CNTN6: variants seen among roughly 807,000 people sequenced by gnomAD.
The protein encoded by CNTN6 is contactin 6.
A neutral mutation model predicts 122.8 loss-of-function variants in CNTN6; 137 were observed. The observed-to-expected ratio is 1.12, with a 90% confidence interval of 0.97 to 1.29. The LOEUF (loss-of-function observed/expected upper bound fraction) is 1.29. CNTN6 is among the 50% of genes most tolerant of loss of function. The pLI, the probability that CNTN6 is intolerant of heterozygous loss-of-function variation, is 0.00. For synonymous variants in CNTN6, 570 were observed against 426.0 expected (o/e 1.34, Z -4.16); for missense variants, 1,634 against 1,223.4 (o/e 1.34, Z -5.01).
chr3:1,217,171 C>T (rs752824185), intron 2 of CNTN6, among the ~76,000 whole-genome samples: 5 of 152,174 alleles, frequency 3.3e-5, no homozygotes, highest in African/African-American at 1.2e-4. Flanking sequence ...CCAGAGCACA[C>T]GTTCTTAACC....
At chr3:1,267,289 C>T (rs76747049) in intron 4 of CNTN6, among the ~76,000 whole-genome samples, 7 of 152,074 alleles carry the variant, frequency 4.6e-5, no homozygotes, top group Admixed American at 3.9e-4. Flanking sequence ...TCCTGAATAG[C>T]TGAAAATGAA....
chr3:1,335,019 A>G (rs1702843787), intron 11 of CNTN6, among the ~76,000 whole-genome samples: 1 of 152,140 alleles, frequency 6.6e-6, no homozygotes, highest in Non-Finnish European at 1.5e-5. Flanking sequence ...CATAACATAT[A>G]ACATTCTTCT....
intron 5 of CNTN6, among the ~76,000 whole-genome samples, chr3:1,283,433 T>C (rs1270106485): frequency 2.6e-5 from 4 of 152,086 alleles, no homozygotes; most frequent in African/African-American, 9.7e-5. Context: ...GCACAAACTA[T>C]CTGCAACAGA....
chr3:1,099,255 T>C (rs946590026), intron 1 of CNTN6, among the ~76,000 whole-genome samples: 18 of 151,988 alleles, frequency 1.2e-4, no homozygotes, highest in South Asian at 2.1e-4. Context: ...ATCGAGACCA[T>C]CCTGGCTAAC....
At chr3:1,122,457 G>GTTTTTATATTTTGATCTTCTACCTACA (rs1553601305) in intron 1 of CNTN6, among the ~76,000 whole-genome samples, 1 of 150,978 alleles carries the variant, frequency 6.6e-6, no homozygotes, top group Non-Finnish European at 1.5e-5. Context: ...TAATTCCCAT[G>GTTTTTATATTTTGATCTTCTACCTACA]ACATAAAAGT....
chr3:1,257,231 C>G lies in CNTN6; in HGVS notation c.359-21182C>G, dbSNP rs183576136. On this transcript the variant is annotated intron_variant, in intron 4 of 22. Transcript: ENST00000446702. ...TCTGTTGAAGGATTCAAATTCATTT[C>G]CAGGAATTATTTTAAATATGTTAAT... Among the ~76,000 whole-genome samples the G allele has an allele frequency of 5.3e-4, 80 of 152,140 alleles. 2 individuals are homozygous for G. The highest frequency in any genetic ancestry group is 2.9e-5 in the Non-Finnish European group (2 of 67,984).
At chr3:1,096,829 G>A (rs1056527322) in intron 1 of CNTN6, among the ~76,000 whole-genome samples, 4 of 152,142 alleles carry the variant, frequency 2.6e-5, no homozygotes, top group African/African-American at 7.2e-5. Flanking sequence ...GCTTCAAGTC[G>A]TGTTTTGGGG....
At chr3:1,278,547 C>A (rs1692827173) in intron 5 of CNTN6, 39 bp downstream of exon 5, 4 of 1,414,910 alleles carry the variant, frequency 2.8e-6, no homozygotes, top group South Asian at 2.4e-5. Context: ...TCAATGCGGT[C>A]ACTTGGAGAG....
intron 20 of CNTN6, among the ~76,000 whole-genome samples, chr3:1,398,097 T>C (rs1483550085): frequency 3.3e-5 from 5 of 151,962 alleles, no homozygotes; most frequent in Non-Finnish European, 5.9e-5. Flanking sequence ...TTTGCTGAGT[T>C]TACCATTGAC....
At position 1,152,873 on chromosome 3, in the gene CNTN6, T is replaced by G. The variant is rs1344767650; in HGVS notation, c.55+4810T>G. ...AGTCCTTAAGAAGAGTGTCAGTGAG[T>G]GTCAATGGCTGCTATTATAACTCAA... On this transcript the variant is annotated intron_variant, in intron 2 of 22. Transcript: ENST00000446702. 3.3e-5 allele frequency among the ~76,000 whole-genome samples: 5 copies of G among 152,230 alleles called. No individual in the cohort carries two copies. The East Asian group carries it at 9.7e-4, about 29-fold the overall frequency.
At chr3:1,128,488 G>C (rs2092240422) in intron 1 of CNTN6, 1 of 151,974 alleles carries the variant, frequency 6.6e-6, no homozygotes, top group Admixed American at 6.6e-5. Flanking sequence ...TTGTCAAAGA[G>C]CTAACACTCA....
intron 20 of CNTN6, chr3:1,401,213 A>G (rs1695659307): frequency 2.2e-6 from 1 of 456,762 alleles, no homozygotes; most frequent in Non-Finnish European, 3.9e-6. Context: ...GCAAGCCATT[A>G]TTAATTCATA....
chr3:1,264,299 T>G (rs1442934510), intron 4 of CNTN6, among the ~76,000 whole-genome samples: 1 of 152,142 alleles, frequency 6.6e-6, no homozygotes, highest in Non-Finnish European at 1.5e-5. Flanking sequence ...AGTAGGGTTA[T>G]TTTTTGAAAA....
intron 5 of CNTN6, among the ~76,000 whole-genome samples, chr3:1,285,598 A>G (rs763972311): frequency 2.0e-4 from 31 of 152,274 alleles, no homozygotes; most frequent in Non-Finnish European, 3.8e-4. Flanking sequence ...CGCATTTAAC[A>G]TTTTCCGGGA....
intron 6 of CNTN6, among the ~76,000 whole-genome samples, chr3:1,296,994 T>C (rs575887357): frequency 0.022 from 3,417 of 152,084 alleles, 145 homozygotes; most frequent in African/African-American, 0.078. Context: ...ATCAAACCTA[T>C]TTTAAAAGTG....
At chr3:1,198,529 C>T (rs1164007104) in intron 2 of CNTN6, among the ~76,000 whole-genome samples, 1 of 152,052 alleles carries the variant, frequency 6.6e-6, no homozygotes, top group East Asian at 1.9e-4. Context: ...TCGAGACCAA[C>T]CTGACCAACA....
chr3:1,233,959 G>T (rs1395360336), intron 4 of CNTN6, among the ~76,000 whole-genome samples: 2 of 151,968 alleles, frequency 1.3e-5, no homozygotes, highest in Non-Finnish European at 2.9e-5. Context: ...AATGCAGTAA[G>T]AATGCATTTT....
chr3:1,208,676 A>AC (rs1224610402), intron 2 of CNTN6, among the ~76,000 whole-genome samples: 1 of 151,994 alleles, frequency 6.6e-6, no homozygotes, highest in African/African-American at 2.4e-5. Context: ...GAGCCTCACC[A>AC]CCCTTTAGCT....
chr3:1,371,897 C>T (rs1709066289), intron 12 of CNTN6, among the ~76,000 whole-genome samples: 2 of 152,096 alleles, frequency 1.3e-5, no homozygotes, highest in Non-Finnish European at 2.9e-5. Flanking sequence ...ATCTTAGAAA[C>T]ATGGTTTGTC....
Sources: allele counts gnomAD v4.1 joint callset (sites outside exome capture counted in the v4.1 genomes callset), GRCh38; gene constraint gnomAD v4.1.1; transcripts MANE v1.5; gene names NCBI Gene and HGNC (gene_info 2026-07-23, HGNC 2026-07-21).